Variants in DCBLD1 observed in about 807,000 individuals in gnomAD.
DCBLD1 encodes discoidin, CUB and LCCL domain-containing protein 1.
DCBLD1 carries 57 observed loss-of-function variants against 71.5 expected under a neutral mutation model. That is an observed-to-expected ratio of 0.80 (90% CI 0.64 to 0.99). The LOEUF is 0.99. DCBLD1 is among the 50% of genes least tolerant of loss of function. DCBLD1 has a pLI of 0.00. For missense variants in DCBLD1, 891 were observed against 923.5 expected, an observed-to-expected ratio of 0.96 and a Z score of 0.46; for synonymous variants, 380 against 363.8, an observed-to-expected ratio of 1.04 and a Z score of -0.51.
chr6:117,538,496 C>T (rs958294048), intron 7 of DCBLD1, 124 bp from the exon 8 acceptor site: 1 of 877,166 alleles, frequency 1.1e-6, no homozygotes, highest in Non-Finnish European at 1.8e-6. Flanking sequence ...TAATTAAACA[C>T]TTTATTCCAT....
At position 117,543,128 on chromosome 6, in the gene DCBLD1, A is replaced by T; in HGVS notation, c.1362A>T (p.Ile454=). ...ATGGCTTTCCGTCTTCTTTAGGAATAAACATTACAACGGTGGCTATTCCAT... is the reference window on the plus strand; with the variant it reads ...ATGGCTTTCCGTCTTCTTTAGGAATTAACATTACAACGGTGGCTATTCCAT... ...PIPSEETSTG[I]NITTVAIPLV... The change falls in exon 12 of 15, where the codon ATA becomes ATT. Residue 454 remains isoleucine (I), a synonymous_variant. Coordinates refer to ENST00000338728, the MANE Select transcript of DCBLD1 (RefSeq NM_001366458.2). The T allele has an allele frequency of 1.2e-6, 2 of 1,613,928 alleles. No individual in the cohort carries two copies. The highest frequency in any genetic ancestry group is 1.7e-6 in the Non-Finnish European group (2 of 1,179,792).
intron 2 of DCBLD1, among the ~76,000 whole-genome samples, chr6:117,518,050 G>A (rs976947718): frequency 1.3e-5 from 2 of 152,174 alleles, no homozygotes; most frequent in East Asian, 1.9e-4. Flanking sequence ...CTGTCAGGCT[G>A]CAAATTTTCT....
At chr6:117,544,495 A>G (rs771860443) in intron 12 of DCBLD1, 33 bp from the exon 13 acceptor site, 4 of 1,611,986 alleles carry the variant, frequency 2.5e-6, no homozygotes, top group Non-Finnish European at 3.4e-6. Flanking sequence ...ACATTGGCTT[A>G]TAAATATTCA....
Position 117,539,285 on chromosome 6 carries a change from A to G in DCBLD1, c.1007A>G (p.Asn336Ser). The G allele has an allele frequency of 6.2e-7, 1 of 1,606,466 alleles. No individual in the cohort carries two copies. Among genetic ancestry groups the G allele is most frequent in the Non-Finnish European group, 8.5e-7 (1 of 1,177,660 alleles). The change falls in exon 9 of 15, where the codon AAC (asparagine) becomes AGC (serine). Residue 336 changes from asparagine (N) to serine (S), a missense_variant. Asn to Ser is a conservative substitution (Grantham distance 46). Transcript: ENST00000338728. ...AGGACCACAGGATCTACACAGTCGAACTTCAACTTTTATGTTAAGAGTTTT... is the reference window on the plus strand; with the variant it reads ...AGGACCACAGGATCTACACAGTCGAGCTTCAACTTTTATGTTAAGAGTTTT... ...GIRTTGSTQS[N>S]FNFYVKSFVM...
Position 117,527,797 on chromosome 6 carries a change from G to A in DCBLD1, c.585+2363G>A, listed in dbSNP as rs541526922. On this transcript the variant is annotated intron_variant, in intron 5 of 14. Transcript: ENST00000338728. ...GGGGGTGGTCTGTCAGGAGGTGTGAGGGGGGAACTTTAAAGTCCTTTTTGA... is the reference window on the plus strand; with the variant it reads ...GGGGGTGGTCTGTCAGGAGGTGTGAAGGGGGAACTTTAAAGTCCTTTTTGA... Among the ~76,000 whole-genome samples, 7 of 152,072 alleles carry A rather than the reference G, an allele frequency of 4.6e-5. No homozygotes were observed. The East Asian group carries it at 1.4e-3, about 30-fold the overall frequency.
intron 14 of DCBLD1, chr6:117,569,494 T>A (rs1319937954): frequency 1.3e-6 from 2 of 1,531,792 alleles, no homozygotes; most frequent in Non-Finnish European, 8.7e-7. Context: ...TTTAGAAACT[T>A]CGTAGGGAAG....
Position 117,549,468 on chromosome 6 carries a change from A to G in DCBLD1, c.*1029A>G, listed in dbSNP as rs1484672907. ...CGTCTGTAATTCCAGAACAGTCCAGACATCAGCTGTACCTCATGCTCAGTA... is the reference window on the plus strand; with the variant it reads ...CGTCTGTAATTCCAGAACAGTCCAGGCATCAGCTGTACCTCATGCTCAGTA... On this transcript the variant is annotated 3_prime_UTR_variant, in exon 15 of 15. Coordinates refer to ENST00000338728, the MANE Select transcript of DCBLD1 (RefSeq NM_001366458.2). 3 of 985,292 alleles carry G rather than the reference A, an allele frequency of 3.0e-6. No individual in the cohort carries two copies. Among genetic ancestry groups the G allele is most frequent in the African/African-American group, 3.5e-5 (2 of 57,242 alleles). The allele number at this position is 985,292 out of a possible 1,614,324, so 61.0% of individuals were successfully genotyped here.
chr6:117,488,598 T>G (rs958184640), intron 1 of DCBLD1, among the ~76,000 whole-genome samples: 2 of 152,222 alleles, frequency 1.3e-5, no homozygotes, highest in African/African-American at 4.8e-5. Flanking sequence ...TGAGCTGTGA[T>G]GCTGCCACCG....
intron 2 of DCBLD1, among the ~76,000 whole-genome samples, chr6:117,510,336 GACACAGACACAC>G (rs1048589724): frequency 4.1e-5 from 6 of 147,796 alleles, no homozygotes; most frequent in Non-Finnish European, 5.9e-5. Flanking sequence ...AACACACACA[GACACAGACACAC>G]ACACAGACAC....
intron 14 of DCBLD1, among the ~76,000 whole-genome samples, chr6:117,557,125 T>A (rs1479795823): frequency 3.3e-5 from 5 of 152,218 alleles, no homozygotes; most frequent in Admixed American, 3.3e-4. Context: ...AGCTTGTTGT[T>A]CAAATCTTCC....
chr6:117,540,488 T>A (rs896975852), intron 9 of DCBLD1, 180 bp from the exon 10 acceptor site: 1 of 638,136 alleles, frequency 1.6e-6, no homozygotes, highest in Admixed American at 3.0e-5. Flanking sequence ...AGCACCACCT[T>A]AGTTAGATAA....
intron 2 of DCBLD1, among the ~76,000 whole-genome samples, chr6:117,509,054 C>T (rs767605229): frequency 3.3e-5 from 5 of 152,194 alleles, no homozygotes; most frequent in Non-Finnish European, 7.3e-5. Context: ...TGTGAGCCAC[C>T]GCGCCTGGCC....
chr6:117,514,640 G>A (rs1778130785), intron 2 of DCBLD1, among the ~76,000 whole-genome samples: 1 of 151,696 alleles, frequency 6.6e-6, no homozygotes, highest in Non-Finnish European at 1.5e-5. Flanking sequence ...TATAGAGAGG[G>A]TATCTCCTAC....
intron 2 of DCBLD1, among the ~76,000 whole-genome samples, chr6:117,512,234 G>A (rs1048606886): frequency 1.3e-5 from 2 of 152,148 alleles, no homozygotes; most frequent in African/African-American, 4.8e-5. Context: ...CTTGACCTGG[G>A]TCCTGTAGCC....
downstream of DCBLD1, among the ~76,000 whole-genome samples, chr6:117,552,719 A>G (rs1779447619): frequency 6.6e-6 from 1 of 152,096 alleles, no homozygotes; most frequent in African/African-American, 2.4e-5. Flanking sequence ...CACTCTAGTA[A>G]CCTGCTTTCC....
rs200146951 is a variant in DCBLD1, at chr6:117,525,431, A to G, written c.582A>G (p.Arg194=). 6.7e-7 allele frequency: 1 copy of G among 1,488,232 alleles called. No individual in the cohort carries two copies. Among genetic ancestry groups the G allele is most frequent in the Non-Finnish European group, 9.0e-7 (1 of 1,116,464 alleles). The allele number at this position is 1,488,232 out of a possible 1,614,324, so 92.2% of individuals were successfully genotyped here. ...CTGGGAATATGGTAGATGGATATAG[A>G]GATGTAAGTAATTGAGGGTAATGGC... ...DISGNMVDGY[R]DTSLLCKAAI... The change falls in exon 5 of 15, where the codon AGA becomes AGG. Residue 194 remains arginine, a synonymous_variant. Coordinates refer to ENST00000338728, the MANE Select transcript of DCBLD1 (RefSeq NM_001366458.2).
At chr6:117,483,763 C>G (rs1285142590) in intron 1 of DCBLD1, among the ~76,000 whole-genome samples, 2 of 151,868 alleles carry the variant, frequency 1.3e-5, no homozygotes, top group Admixed American at 1.3e-4. Context: ...TTCCTCTCCT[C>G]CCTTGCTCCT....
intron 14 of DCBLD1, among the ~76,000 whole-genome samples, chr6:117,555,210 T>C (rs1438058959): frequency 2.0e-5 from 3 of 152,248 alleles, no homozygotes; most frequent in Non-Finnish European, 4.4e-5. Flanking sequence ...TCAAATTTAT[T>C]CCTATAGAAT....
chr6:117,543,528 A>G (rs955037583), intron 12 of DCBLD1, among the ~76,000 whole-genome samples: 5 of 152,108 alleles, frequency 3.3e-5, no homozygotes, highest in African/African-American at 1.2e-4. Context: ...ATGTGCCACC[A>G]TGCCCAGCTA....
Sources: allele counts gnomAD v4.1 joint callset (sites outside exome capture counted in the v4.1 genomes callset), GRCh38; gene constraint gnomAD v4.1.1; transcripts MANE v1.5; gene names NCBI Gene and HGNC (gene_info 2026-07-23, HGNC 2026-07-21).